The following TNFSF18 variants were observed in gnomAD, a reference collection of about 807,000 sequenced individuals.
TNFSF18 encodes TNF superfamily member 18.
TNFSF18 carries 6 observed loss-of-function variants against 9.6 expected under a neutral mutation model. The ratio of observed to expected loss-of-function variants is 0.63; its 90% CI spans 0.34 to 1.24. The LOEUF is 1.24. Ranked by LOEUF, TNFSF18 falls within the 50% of genes most tolerant of loss-of-function variation. TNFSF18 has a pLI of 0.03. For missense variants in TNFSF18, 210 were observed against 201.0 expected (o/e 1.04, Z -0.27); for synonymous variants, 68 against 71.7 (o/e 0.95, Z 0.26).
At chr1:173,043,304 G>GT (rs1665021035) in intron 2 of TNFSF18, among the ~76,000 whole-genome samples, 1 of 152,050 alleles carries the variant, frequency 6.6e-6, no homozygotes, top group Admixed American at 6.6e-5. Context: ...AACTGAAAAT[G>GT]TATGTTTGGC....
intron 2 of TNFSF18, among the ~76,000 whole-genome samples, chr1:173,043,335 T>TA (rs5778748): frequency 1.2e-4 from 18 of 151,928 alleles, no homozygotes; most frequent in South Asian, 2.1e-4. Flanking sequence ...TAAACAACTT[T>TA]AAAAAAAATG....
At chr1:173,042,635 A>C (rs1380726274) in intron 2 of TNFSF18, among the ~76,000 whole-genome samples, 2 of 152,156 alleles carry the variant, frequency 1.3e-5, no homozygotes, top group Non-Finnish European at 2.9e-5. Flanking sequence ...AGACCTAATC[A>C]TTCATTTTCA....
At chr1:173,047,240 T>C (rs1665100848) in intron 1 of TNFSF18, among the ~76,000 whole-genome samples, 1 of 152,200 alleles carries the variant, frequency 6.6e-6, no homozygotes, top group Non-Finnish European at 1.5e-5. Flanking sequence ...CTGGAGGAGA[T>C]GTTGAAATTC....
rs1035248212 is a variant in TNFSF18, at chr1:173,040,583, T to A, written c.*784A>T. 6.6e-6 allele frequency: 1 copy of A among 152,172 alleles called. No individual in the cohort carries two copies. The highest frequency in any genetic ancestry group is 2.4e-5 in the African/African-American group (1 of 41,460). 9.4% of individuals were successfully genotyped at this position (152,172 alleles called of 1,614,324 possible). A position where few individuals can be genotyped will look rare whatever the true frequency, so the allele number is the denominator to read the frequency against. On this transcript the variant is annotated 3_prime_UTR_variant, in exon 3 of 3. Transcript: ENST00000404377. The stretch of plus-strand genomic sequence containing the variant: ...TAGCTAAAAATACTAAATCATTACA[T>A]GACATAATCCAGTAATGATAATACC...
At chr1:173,044,236 G>A (rs1665036751) in intron 1 of TNFSF18, among the ~76,000 whole-genome samples, 1 of 149,468 alleles carries the variant, frequency 6.7e-6, no homozygotes. Context: ...ATACCTACAG[G>A]ACAACTATTT....
At chr1:173,045,492 T>C (rs963619753) in intron 1 of TNFSF18, among the ~76,000 whole-genome samples, 1 of 152,174 alleles carries the variant, frequency 6.6e-6, no homozygotes, top group African/African-American at 2.4e-5. Flanking sequence ...AATTAGTTTC[T>C]GTGATATGTG....
At chr1:173,048,050 A>G (rs1419644830) in intron 1 of TNFSF18, among the ~76,000 whole-genome samples, 1 of 152,016 alleles carries the variant, frequency 6.6e-6, no homozygotes, top group Non-Finnish European at 1.5e-5. Context: ...AATCCTTAGC[A>G]CAACTCTACA....
chr1:173,041,817 T>TAA, intron 2 of TNFSF18, 104 bp from the exon 3 acceptor site: 2 of 979,028 alleles, frequency 2.0e-6, no homozygotes, highest in East Asian at 2.8e-5. Flanking sequence ...ATGTTGTTTC[T>TAA]TTACCTGATC....
Position 173,041,375 on chromosome 1 carries a change from T to C in TNFSF18, c.526A>G (p.Ile176Val). 6.2e-7 allele frequency: 1 copy of C among 1,604,208 alleles called. No homozygotes were observed. Among genetic ancestry groups the C allele is most frequent in the Non-Finnish European group, 8.5e-7 (1 of 1,174,770 alleles). ...GAGATCAAATCAAGTCTCTAGGAGATGAATTGGGGATTTGCTAGTAAAATG... is the reference window on the plus strand; with the variant it reads ...GAGATCAAATCAAGTCTCTAGGAGACGAATTGGGGATTTGCTAGTAAAATG... ...GIILLANPQF[I>V]S is the part of the protein sequence containing the mutation. The change falls in exon 3 of 3, where the codon ATC becomes GTC. Residue 176 changes from isoleucine to valine, a missense_variant. By Grantham distance (29) the Ile-to-Val change is conservative. Coordinates refer to ENST00000404377, the MANE Select transcript of TNFSF18 (RefSeq NM_005092.4).
Position 173,050,908 on chromosome 1 carries a change from T to C in TNFSF18, c.-12A>G, listed in dbSNP as rs1374112592. On this transcript the variant is annotated 5_prime_UTR_variant, in exon 1 of 3. Coordinates refer to ENST00000404377, the MANE Select transcript of TNFSF18 (RefSeq NM_005092.4). ...TGGCTCAAACACATTTTTGGAGAAA[T>C]GAGAGCTGTGGAAAACAAAAATTCA... 1 of 1,613,754 alleles carries C rather than the reference T, an allele frequency of 6.2e-7. No individual in the cohort carries two copies. Among genetic ancestry groups the C allele is most frequent in the South Asian group, 1.1e-5 (1 of 91,074 alleles).
intron 1 of TNFSF18, among the ~76,000 whole-genome samples, chr1:173,048,492 A>G (rs527535985): frequency 3.9e-5 from 6 of 152,084 alleles, no homozygotes; most frequent in Non-Finnish European, 7.4e-5. Flanking sequence ...TGAAGTTCAG[A>G]CTCTGCTGAA....
In TNFSF18 at chr1:173,041,666, C is replaced by T. The variant is rs142512692; in HGVS notation, c.235G>A (p.Val79Met). 194 of 1,612,670 alleles carry T rather than the reference C, an allele frequency of 1.2e-4. 1 individual carries two copies. The highest frequency in any genetic ancestry group is 3.4e-4 in the South Asian group (31 of 90,858). The change falls in exon 3 of 3, where the codon GTG becomes ATG. Residue 79 changes from valine to methionine, a missense_variant. By Grantham distance (21) the Val-to-Met change is conservative (BLOSUM62 1). Transcript: ENST00000404377. ...AGCTTCCAGTCAGACACCTTATTCA[C>T]GCAAGGAGGTTCAGAAGATGCCATT... ...WQMASSEPPC[V>M]NKVSDWKLEI...
At chr1:173,047,175 C>T (rs375998431) in intron 1 of TNFSF18, among the ~76,000 whole-genome samples, 2 of 152,282 alleles carry the variant, frequency 1.3e-5, no homozygotes, top group African/African-American at 4.8e-5. Context: ...GGATTATAGG[C>T]GTGAGCCACT....
At chr1:173,043,836 G>A in intron 2 of TNFSF18, 103 bp downstream of exon 2, 1 of 1,106,544 alleles carries the variant, frequency 9.0e-7, no homozygotes. Flanking sequence ...TAGTAGCTCA[G>A]AAATGAATAA....
Position 173,041,512 on chromosome 1 carries a change from T to G in TNFSF18, c.389A>C (p.Lys130Thr). 6.2e-7 allele frequency: 1 copy of G among 1,613,466 alleles called. No individual in the cohort carries two copies. Among genetic ancestry groups the G allele is most frequent in the Non-Finnish European group, 8.5e-7 (1 of 1,179,598 alleles). Residue 130 changes from lysine to threonine, a missense_variant, in exon 3 of 3, where the codon AAA (lysine) becomes ACA (threonine). Transcript: ENST00000404377. ...NKDMIQTLTN[K>T]SKIQNVGGTY... is the part of the protein sequence containing the mutation. ...CCCTCCTACATTTTGGATTTTAGAT[T>G]TGTTTGTTAGAGTTTGTATCATGTC...
intron 1 of TNFSF18, among the ~76,000 whole-genome samples, chr1:173,049,609 T>A (rs1311427718): frequency 6.6e-6 from 1 of 152,174 alleles, no homozygotes; most frequent in Non-Finnish European, 1.5e-5. Flanking sequence ...AGGGGACTGC[T>A]TCCTCCTGCA....
intron 1 of TNFSF18, among the ~76,000 whole-genome samples, chr1:173,047,550 C>G (rs1665104570): frequency 6.6e-6 from 1 of 152,132 alleles, no homozygotes; most frequent in South Asian, 2.1e-4. Context: ...CCTTGCTTCT[C>G]AAGAAGTTTA....
intron 1 of TNFSF18, among the ~76,000 whole-genome samples, chr1:173,045,862 A>C (rs1432173675): frequency 6.6e-6 from 1 of 152,184 alleles, no homozygotes; most frequent in Non-Finnish European, 1.5e-5. Flanking sequence ...TAGTGACAAG[A>C]CAGAATAACA....
At chr1:173,048,881 A>G (rs1209847569) in intron 1 of TNFSF18, among the ~76,000 whole-genome samples, 1 of 152,244 alleles carries the variant, frequency 6.6e-6, no homozygotes, top group African/African-American at 2.4e-5. Context: ...TGTGGCCAAT[A>G]GGGAAAGGGA....
Sources: gnomAD v4.1 joint callset for allele counts (sites outside exome capture counted in the v4.1 genomes callset) on GRCh38, gnomAD v4.1.1 for gene constraint, MANE v1.5 for transcripts, NCBI Gene and HGNC (gene_info 2026-07-23, HGNC 2026-07-21) for gene names.